Variants in FARSB observed in about 807,000 individuals in gnomAD.
FARSB encodes the protein phenylalanine--tRNA ligase beta subunit.
FARSB carries 40 observed loss-of-function variants against 69.6 expected under a neutral mutation model. That is an observed-to-expected ratio of 0.57 (90% CI 0.45 to 0.75). The LOEUF (loss-of-function observed/expected upper bound fraction) is 0.75. Ranked by LOEUF, FARSB falls within the 30% of genes least tolerant of loss-of-function variation. The pLI is 0.00. For missense variants in FARSB, 632 were observed against 722.9 expected (o/e 0.87, Z 1.44); for synonymous variants, 235 against 247.2 (o/e 0.95, Z 0.46).
intron 16 of FARSB, among the ~76,000 whole-genome samples, chr2:222,596,580 G>A (rs1690423741): frequency 6.6e-6 from 1 of 152,132 alleles, no homozygotes; most frequent in Non-Finnish European, 1.5e-5. Flanking sequence ...CAGTAATCAA[G>A]AATGGCAGGG....
At position 222,603,905 on chromosome 2, in the gene FARSB, C is replaced by A. The variant is rs186783176; in HGVS notation, c.1463-3822G>T. Among the ~76,000 whole-genome samples the A allele has an allele frequency of 1.2e-3, 178 of 151,804 alleles. 1 individual carries two copies. Among genetic ancestry groups the A allele is most frequent in the Non-Finnish European group, 8.1e-4 (55 of 67,952 alleles). ...AAGCTTATGTATGGCTATATATCCA[C>A]TTAATATGGTCAAAGATGTGCATTG... is the stretch of plus-strand genomic sequence containing the variant. On this transcript the variant is annotated intron_variant, in intron 15 of 16. Transcript: ENST00000281828.
At chr2:222,592,031 G>A (rs1457281867) in intron 16 of FARSB, among the ~76,000 whole-genome samples, 1 of 152,100 alleles carries the variant, frequency 6.6e-6, no homozygotes, top group African/African-American at 2.4e-5. Context: ...AGAGCTGGAT[G>A]GCATCTTAAT....
At chr2:222,642,806 A>G in intron 3 of FARSB, 45 bp downstream of exon 3, 4 of 1,459,562 alleles carry the variant, frequency 2.7e-6, no homozygotes, top group Non-Finnish European at 3.7e-6. Context: ...AGGAAAGAAA[A>G]GAAAACCCAA....
intron 16 of FARSB, among the ~76,000 whole-genome samples, chr2:222,590,373 G>A (rs1178198993): frequency 6.6e-6 from 1 of 152,090 alleles, no homozygotes; most frequent in Non-Finnish European, 1.5e-5. Flanking sequence ...CATGGGGTGG[G>A]GGAAGGGGGA....
rs146701125 is a variant in FARSB at position 222,605,026 on chromosome 2, T to C, written c.1463-4943A>G. Reference sequence around the variant, plus strand: ...ACCACTGTCACCTCCATCATTTCCATTTTTAAAGATAAAGAAATTTGGTAT... The same window carrying C: ...ACCACTGTCACCTCCATCATTTCCACTTTTAAAGATAAAGAAATTTGGTAT... On this transcript the variant is annotated intron_variant, in intron 15 of 16. Coordinates refer to ENST00000281828, the MANE Select transcript of FARSB (RefSeq NM_005687.5). Among the ~76,000 whole-genome samples the C allele has an allele frequency of 3.2e-3, 491 of 152,290 alleles. 2 individuals carry two copies. The highest frequency in any genetic ancestry group is 0.011 in the African/African-American group (475 of 41,550).
chr2:222,600,222 A>G (rs1690526049), intron 15 of FARSB, 139 bp from the exon 16 acceptor site: 1 of 623,560 alleles, frequency 1.6e-6, no homozygotes, highest in African/African-American at 1.9e-5. Context: ...CAACCTCACA[A>G]ATGCAAAATA....
chr2:222,593,040 T>C (rs971162251), intron 16 of FARSB, among the ~76,000 whole-genome samples: 6 of 152,152 alleles, frequency 3.9e-5, no homozygotes, highest in Non-Finnish European at 7.3e-5. Context: ...GTATCATATA[T>C]ATAGTGTTCA....
intron 5 of FARSB, among the ~76,000 whole-genome samples, chr2:222,636,662 A>T (rs1031750523): frequency 6.6e-6 from 1 of 152,240 alleles, no homozygotes; most frequent in Non-Finnish European, 1.5e-5. Flanking sequence ...ATAATGGTAA[A>T]AATTTCAAAG....
In FARSB at chr2:222,569,689, T is replaced by C. The variant is rs773995777; in HGVS notation, c.*2182A>G. ...GTCCTGCCGACCACCTGCTTTTGAC[T>C]TTTTTAGACTCTCAGGTAAATAGAA... is the stretch of plus-strand genomic sequence containing the variant. On this transcript the variant is annotated 3_prime_UTR_variant, in exon 17 of 17. Coordinates refer to ENST00000281828, the MANE Select transcript of FARSB (RefSeq NM_005687.5). 1.3e-5 allele frequency: 2 copies of C among 152,190 alleles called. No individual in the cohort carries two copies. Among genetic ancestry groups the C allele is most frequent in the Non-Finnish European group, 2.9e-5 (2 of 68,042 alleles). 9.4% of individuals were successfully genotyped at this position (152,190 alleles called of 1,614,324 possible). A position where few individuals can be genotyped will look rare whatever the true frequency, so the allele number is the denominator to read the frequency against.
chr2:222,655,498 T>C (rs1184024636), intron 1 of FARSB, among the ~76,000 whole-genome samples: 1 of 152,194 alleles, frequency 6.6e-6, no homozygotes, highest in Non-Finnish European at 1.5e-5. Flanking sequence ...AGACAGAACG[T>C]GGACCTGACG....
intron 15 of FARSB, among the ~76,000 whole-genome samples, chr2:222,601,434 T>A (rs1052869498): frequency 1.3e-4 from 19 of 150,934 alleles, no homozygotes; most frequent in Admixed American, 7.9e-4. Flanking sequence ...ATAATAATAA[T>A]AAAAAGATGA....
At chr2:222,594,324 A>G (rs1243885398) in intron 16 of FARSB, among the ~76,000 whole-genome samples, 1 of 152,136 alleles carries the variant, frequency 6.6e-6, no homozygotes, top group Non-Finnish European at 1.5e-5. Context: ...CTATATGTAT[A>G]CATTGCTGAT....
intron 16 of FARSB, among the ~76,000 whole-genome samples, chr2:222,573,069 G>C (rs1398473930): frequency 6.6e-6 from 1 of 152,140 alleles, no homozygotes; most frequent in Admixed American, 6.5e-5. Context: ...AAACTGCTGA[G>C]TCTCTACTAA....
intron 16 of FARSB, among the ~76,000 whole-genome samples, chr2:222,574,852 G>A (rs531365908): frequency 6.6e-6 from 1 of 152,188 alleles, no homozygotes; most frequent in Non-Finnish European, 1.5e-5. Context: ...GCACATAAAA[G>A]CTCCTTCAAG....
In FARSB at chr2:222,569,701, T is replaced by C. The variant is rs1305281232; in HGVS notation, c.*2170A>G. On this transcript the variant is annotated 3_prime_UTR_variant, in exon 17 of 17. Transcript: ENST00000281828. ...ACCTGCTTTTGACTTTTTTAGACTC[T>C]CAGGTAAATAGAATTAAATAGAGTC... 6.6e-6 allele frequency: 1 copy of C among 152,210 alleles called. No homozygotes were observed. Among genetic ancestry groups the C allele is most frequent in the African/African-American group, 2.4e-5 (1 of 41,456 alleles). 9.4% of individuals were successfully genotyped at this position (152,210 alleles called of 1,614,324 possible).
Position 222,623,647 on chromosome 2 carries a change from T to C in FARSB, c.1251+3A>G. On this transcript the variant is annotated splice_donor_region_variant and intron_variant, in intron 13 of 16. Coordinates refer to ENST00000281828, the MANE Select transcript of FARSB (RefSeq NM_005687.5). The stretch of plus-strand genomic sequence containing the variant: ...CTGGGCAGAAAAAGCATGTAAGACA[T>C]ACCAGGGCAAAGGTAAGTGCTTCAG... The C allele has an allele frequency of 6.4e-7, 1 of 1,561,074 alleles. No homozygotes were observed. The highest frequency in any genetic ancestry group is 8.8e-7 in the Non-Finnish European group (1 of 1,131,676).
At chr2:222,575,567 C>T (rs898155126) in intron 16 of FARSB, among the ~76,000 whole-genome samples, 3 of 152,226 alleles carry the variant, frequency 2.0e-5, no homozygotes, top group African/African-American at 7.2e-5. Flanking sequence ...GCCCGCTTTT[C>T]TACCTACTTC....
Position 222,634,375 on chromosome 2 carries a change from C to T in FARSB, c.606+16G>A. ...GATTTTTGCAAAGCTGCTGCATAAT[C>T]AAAAAGAATATTTACCTTGTATATG... On this transcript the variant is annotated intron_variant, in intron 6 of 16. Transcript: ENST00000281828. 1.3e-6 allele frequency: 2 copies of T among 1,515,808 alleles called. No individual in the cohort carries two copies. The highest frequency in any genetic ancestry group is 2.1e-5 in the Admixed American group (1 of 46,640). 93.9% of individuals were successfully genotyped at this position (1,515,808 alleles called of 1,614,324 possible).
intron 3 of FARSB, among the ~76,000 whole-genome samples, chr2:222,642,344 T>A (rs1017536446): frequency 5.9e-5 from 9 of 152,198 alleles, no homozygotes; most frequent in African/African-American, 2.2e-4. Context: ...GCCTTATAAA[T>A]CTTCTTCATT....
Sources: allele counts gnomAD v4.1 joint callset (sites outside exome capture counted in the v4.1 genomes callset), GRCh38; gene constraint gnomAD v4.1.1; transcripts MANE v1.5; gene names NCBI Gene and HGNC (gene_info 2026-07-23, HGNC 2026-07-21).